The following GHR variants were observed in gnomAD, a reference collection of about 807,000 sequenced individuals.
GHR encodes the protein growth hormone receptor, also known as GH receptor.
GHR carries 35 observed loss-of-function variants against 67.1 expected under a neutral mutation model. The ratio of observed to expected loss-of-function variants is 0.52; its 90% CI spans 0.40 to 0.69. The LOEUF is 0.69. Among genes scored for constraint, GHR ranks in the 30% least tolerant of loss-of-function variants. GHR has a pLI of 0.00. For missense variants in GHR, 792 were observed against 764.6 expected (o/e 1.04, Z -0.42); for synonymous variants, 272 against 269.1 (o/e 1.01, Z -0.10).
At chr5:42,460,038 AT>A (rs1561315801) in intron 1 of GHR, among the ~76,000 whole-genome samples, 1 of 152,164 alleles carries the variant, frequency 6.6e-6, no homozygotes, top group Non-Finnish European at 1.5e-5. Flanking sequence ...TAAAAGTTAA[AT>A]GAATTCTTAA....
At chr5:42,499,316 AGTTGACTACT>A (rs1746441847) in intron 1 of GHR, among the ~76,000 whole-genome samples, 2 of 152,270 alleles carry the variant, frequency 1.3e-5, no homozygotes, top group South Asian at 2.1e-4. Context: ...TTGAACCACA[AGTTGACTACT>A]GTTCAGTCAG....
chr5:42,488,106 G>C (rs1745957971), intron 1 of GHR, among the ~76,000 whole-genome samples: 1 of 152,100 alleles, frequency 6.6e-6, no homozygotes, highest in African/African-American at 2.4e-5. Context: ...CTTCAGCCTA[G>C]TTAGCCTGGT....
intron 3 of GHR, among the ~76,000 whole-genome samples, chr5:42,635,339 A>G (rs549326096): frequency 8.5e-5 from 13 of 152,328 alleles, no homozygotes; most frequent in African/African-American, 3.1e-4. Context: ...CACTTTATGT[A>G]AGAAGAAATG....
At chr5:42,631,900 G>A (rs536910225) in intron 3 of GHR, among the ~76,000 whole-genome samples, 1 of 152,178 alleles carries the variant, frequency 6.6e-6, no homozygotes, top group Admixed American at 6.5e-5. Context: ...GGTCCAAGAA[G>A]CCCAAACATT....
intron 1 of GHR, among the ~76,000 whole-genome samples, chr5:42,558,629 A>G (rs1749437974): frequency 1.3e-5 from 2 of 152,218 alleles, no homozygotes; most frequent in African/African-American, 4.8e-5. Flanking sequence ...AATTGCTTAT[A>G]CTATTCAATA....
At chr5:42,711,965 G>A (rs554523760) in intron 7 of GHR, among the ~76,000 whole-genome samples, 1 of 152,130 alleles carries the variant, frequency 6.6e-6, no homozygotes, top group East Asian at 1.9e-4. Context: ...TCACAACAAT[G>A]ATTAAAGTTT....
intron 1 of GHR, among the ~76,000 whole-genome samples, chr5:42,528,708 C>T (rs1187232085): frequency 1.3e-5 from 2 of 152,168 alleles, no homozygotes; most frequent in African/African-American, 4.8e-5. Flanking sequence ...AGGAGTATCA[C>T]ATGCTACACA....
intron 2 of GHR, among the ~76,000 whole-genome samples, chr5:42,601,074 A>C (rs1752357317): frequency 6.6e-6 from 1 of 151,636 alleles, no homozygotes; most frequent in Non-Finnish European, 1.5e-5. Flanking sequence ...TTACAGGCGC[A>C]TGCCACCATG....
chr5:42,658,093 G>T, intron 3 of GHR, among the ~76,000 whole-genome samples: 1 of 152,050 alleles, frequency 6.6e-6, no homozygotes, highest in East Asian at 1.9e-4. Context: ...ATATAAATTA[G>T]GGTAAAAGAG....
At chr5:42,482,839 C>T (rs544643423) in intron 1 of GHR, among the ~76,000 whole-genome samples, 43 of 152,342 alleles carry the variant, frequency 2.8e-4, no homozygotes, top group Middle Eastern at 3.4e-3. Context: ...CCAGGTGAGG[C>T]GATGCCTCGC....
intron 2 of GHR, among the ~76,000 whole-genome samples, chr5:42,626,932 T>C (rs1007174749): frequency 2.6e-5 from 4 of 152,168 alleles, no homozygotes; most frequent in Non-Finnish European, 5.9e-5. Flanking sequence ...AGACAAGAGA[T>C]GCATACTTTT....
chr5:42,432,574 G>A (rs1743140885), intron 1 of GHR, among the ~76,000 whole-genome samples: 1 of 152,120 alleles, frequency 6.6e-6, no homozygotes, highest in Admixed American at 6.6e-5. Context: ...CTCTAAGTTG[G>A]CCAAACTAAT....
chr5:42,443,651 G>T (rs1446622374), intron 1 of GHR, among the ~76,000 whole-genome samples: 1 of 151,670 alleles, frequency 6.6e-6, no homozygotes, highest in Non-Finnish European at 1.5e-5. Flanking sequence ...TTAAGAGATT[G>T]GCTCACACAA....
intron 2 of GHR, among the ~76,000 whole-genome samples, chr5:42,609,112 C>A (rs1342661691): frequency 6.6e-6 from 1 of 152,024 alleles, no homozygotes; most frequent in African/African-American, 2.4e-5. Context: ...GGAAACCAAC[C>A]AAAGATGGTG....
intron 1 of GHR, among the ~76,000 whole-genome samples, chr5:42,498,023 A>G (rs1746391378): frequency 6.6e-6 from 1 of 152,166 alleles, no homozygotes; most frequent in Admixed American, 6.6e-5. Context: ...AAGTGGGTTA[A>G]TATTTTGCGT....
chr5:42,506,614 C>T (rs1746788203), intron 1 of GHR, among the ~76,000 whole-genome samples: 3 of 152,122 alleles, frequency 2.0e-5, no homozygotes, highest in Admixed American at 2.0e-4. Flanking sequence ...ATATTTTAGT[C>T]CCTCTAGCCT....
At chr5:42,610,539 C>A (rs1013811915) in intron 2 of GHR, among the ~76,000 whole-genome samples, 9 of 151,904 alleles carry the variant, frequency 5.9e-5, no homozygotes, top group African/African-American at 2.2e-4. Flanking sequence ...TGCATCCCTG[C>A]AAGAGATTCA....
chr5:42,569,951 A>AT (rs1403671938), intron 2 of GHR, among the ~76,000 whole-genome samples: 1 of 152,136 alleles, frequency 6.6e-6, no homozygotes, highest in Non-Finnish European at 1.5e-5. Flanking sequence ...TATTTTGAAC[A>AT]TTTTTCATAA....
chr5:42,701,217 G>A lies in GHR; in HGVS notation c.618+1215G>A, dbSNP rs78576390. 2.6e-5 allele frequency among the ~76,000 whole-genome samples: 4 copies of A among 152,230 alleles called. No homozygotes were observed. In the South Asian group the frequency reaches 6.2e-4, roughly 24 times the overall value. On this transcript the variant is annotated intron_variant, in intron 6 of 9. Transcript: ENST00000230882. ...AAAAGCAATGCTGGAAACACTGCTGGCACCTTAGCATGAAGCAAGGCAGTA... is the reference window on the plus strand; with the variant it reads ...AAAAGCAATGCTGGAAACACTGCTGACACCTTAGCATGAAGCAAGGCAGTA...
Sources: allele counts gnomAD v4.1 joint callset (sites outside exome capture counted in the v4.1 genomes callset), GRCh38; gene constraint gnomAD v4.1.1; transcripts MANE v1.5; gene names NCBI Gene and HGNC (gene_info 2026-07-23, HGNC 2026-07-21).